The following PATL1 variants were observed in gnomAD, a reference collection of about 807,000 sequenced individuals.
PATL1 encodes the protein PAT1 homolog 1, processing body mRNA decay factor.
Under a neutral mutation model 100.6 loss-of-function variants are expected in PATL1, and 32 were observed. That is an observed-to-expected ratio of 0.32 (90% CI 0.24 to 0.43). The LOEUF is 0.43. PATL1 is among the 20% of genes least tolerant of loss of function. The probability of loss-of-function intolerance (pLI) is 1.00; values close to 1 mark genes in which losing one functional copy is unlikely to be tolerated. For synonymous variants in PATL1, 332 were observed against 330.0 expected (o/e 1.01, Z -0.07); for missense variants, 747 against 949.9 (o/e 0.79, Z 2.81).
Position 59,651,650 on chromosome 11 carries a change from A to AT in PATL1, c.1427-10_1427-9insA. On this transcript the variant is annotated splice_polypyrimidine_tract_variant and intron_variant, in intron 11 of 18. Transcript: ENST00000300146. ...AGAGCCCTCAAATTGCACTGCAAAG[A>AT]CAAAAAAAAAAAAAATTCCAACAAA... is the stretch of plus-strand genomic sequence containing the variant. The AT allele has an allele frequency of 6.5e-7, 1 of 1,542,638 alleles. No individual in the cohort carries two copies.
At chr11:59,664,252 G>A (rs546927970) in intron 2 of PATL1, among the ~76,000 whole-genome samples, 7 of 152,012 alleles carry the variant, frequency 4.6e-5, no homozygotes, top group East Asian at 1.9e-4. Flanking sequence ...ATAAAATACC[G>A]TTCCGGACAC....
intron 5 of PATL1, chr11:59,657,086 A>C (rs1456073823): frequency 2.0e-6 from 2 of 985,048 alleles, no homozygotes; most frequent in Non-Finnish European, 2.4e-6. Flanking sequence ...ATACCTTCCA[A>C]ATTGGCCTTC....
Position 59,657,603 on chromosome 11 carries a change from C to A in PATL1, c.548G>T (p.Gly183Val). The change falls in exon 5 of 19, where the codon GGC becomes GTC. Residue 183 changes from glycine to valine, a missense_variant. By Grantham distance (109) the Gly-to-Val change is moderately radical (BLOSUM62 -3). Coordinates refer to ENST00000300146, the MANE Select transcript of PATL1 (RefSeq NM_152716.3). ...GGGGACAGCTCTAACAGGAGGACTG[C>A]CAATGATAGGTGAAGTTGACCGCCT... Reference protein sequence around the residue: ...LPRRSTSPIIGSPPVRAVPIG... With the variant: ...LPRRSTSPIIVSPPVRAVPIG... 6.2e-7 allele frequency: 1 copy of A among 1,612,646 alleles called. No individual in the cohort carries two copies. Among genetic ancestry groups the A allele is most frequent in the Non-Finnish European group, 8.5e-7 (1 of 1,179,808 alleles).
Position 59,637,604 on chromosome 11 carries a change from T to A in PATL1, c.*786A>T, listed in dbSNP as rs1861210692. 1 of 152,508 alleles carries A rather than the reference T, an allele frequency of 6.6e-6. No homozygotes were observed. Among genetic ancestry groups the A allele is most frequent in the Non-Finnish European group, 1.5e-5 (1 of 68,052 alleles). The allele number at this position is 152,508 out of a possible 1,614,324, so 9.4% of individuals were successfully genotyped here. A position where few individuals can be genotyped will look rare whatever the true frequency, so the allele number is the denominator to read the frequency against. The stretch of plus-strand genomic sequence containing the variant: ...CTGTAGTTGTAGCAGGAAAAAGACA[T>A]AACCATGTGTTGTTTCGATTAAGGT... On this transcript the variant is annotated 3_prime_UTR_variant, in exon 19 of 19. Transcript: ENST00000300146.
intron 13 of PATL1, among the ~76,000 whole-genome samples, chr11:59,650,073 A>G (rs1041524152): frequency 6.6e-6 from 1 of 150,566 alleles, no homozygotes. Context: ...GTGAGCCAAG[A>G]TCTCGCCATT....
Position 59,655,837 on chromosome 11 carries a change from T to C in PATL1, c.814-97A>G. The C allele has an allele frequency of 4.3e-6, 6 of 1,395,806 alleles. No homozygotes were observed. In the South Asian group the frequency reaches 7.6e-5, roughly 18 times the overall value. The allele number at this position is 1,395,806 out of a possible 1,614,324, so 86.5% of individuals were successfully genotyped here. On this transcript the variant is annotated intron_variant, in intron 7 of 18. Coordinates refer to ENST00000300146, the MANE Select transcript of PATL1 (RefSeq NM_152716.3). ...ATACGGTTTTCCATCAATAACTTTGTTTGAAAAAGTAAAGGCAAAAATAAA... is the reference window on the plus strand; with the variant it reads ...ATACGGTTTTCCATCAATAACTTTGCTTGAAAAAGTAAAGGCAAAAATAAA...
chr11:59,643,517 T>C (rs1861316334), intron 15 of PATL1, among the ~76,000 whole-genome samples: 1 of 151,794 alleles, frequency 6.6e-6, no homozygotes, highest in African/African-American at 2.4e-5. Context: ...AAGACTAGTC[T>C]GGACAACGTA....
chr11:59,664,336 C>T (rs1357615424), intron 2 of PATL1, among the ~76,000 whole-genome samples: 2 of 152,108 alleles, frequency 1.3e-5, no homozygotes, highest in Non-Finnish European at 2.9e-5. Context: ...AAAGACTGTC[C>T]ATAGCACTCT....
intron 15 of PATL1, among the ~76,000 whole-genome samples, chr11:59,645,584 T>C (rs186657253): frequency 1.2e-4 from 19 of 152,196 alleles, no homozygotes; most frequent in Non-Finnish European, 2.4e-4. Flanking sequence ...AATGGAAAGG[T>C]AGGATAAATG....
At chr11:59,663,828 T>C (rs767110286) in intron 2 of PATL1, among the ~76,000 whole-genome samples, 5 of 152,170 alleles carry the variant, frequency 3.3e-5, no homozygotes, top group Non-Finnish European at 5.9e-5. Context: ...GAATTAAAAA[T>C]CATAAAATCA....
chr11:59,653,677 C>T (rs1861479787), intron 9 of PATL1, among the ~76,000 whole-genome samples: 1 of 152,146 alleles, frequency 6.6e-6, no homozygotes, highest in Non-Finnish European at 1.5e-5. Context: ...CACTATTATG[C>T]CCTTGGTATG....
rs376610060 is a variant in PATL1 at position 59,644,508 on chromosome 11, ATC to A, written c.1894-1475_1894-1474del. On this transcript the variant is annotated intron_variant, in intron 15 of 18. Coordinates refer to ENST00000300146, the MANE Select transcript of PATL1 (RefSeq NM_152716.3). ...GCATTTGCCTGGTAAGGTTTTTAAA[ATC>A]TCTCTAACAGGTCTTCTGCCACTGG... Among the ~76,000 whole-genome samples the A allele has an allele frequency of 9.0e-3, 1,367 of 152,260 alleles. 19 individuals carry two copies. The highest frequency in any genetic ancestry group is 0.031 in the African/African-American group (1,267 of 41,532).
intron 14 of PATL1, among the ~76,000 whole-genome samples, chr11:59,648,899 AG>A (rs1282766804): frequency 6.6e-6 from 1 of 152,222 alleles, no homozygotes; most frequent in Admixed American, 6.5e-5. Flanking sequence ...AAAGAAAGGG[AG>A]TTGTTAGAAG....
At chr11:59,666,376 T>A (rs1056968610) in intron 2 of PATL1, among the ~76,000 whole-genome samples, 1 of 152,270 alleles carries the variant, frequency 6.6e-6, no homozygotes, top group Non-Finnish European at 1.5e-5. Flanking sequence ...AAAAGCTTTA[T>A]ATTTTGAAGA....
intron 18 of PATL1, 135 bp from the exon 19 acceptor site, chr11:59,638,546 T>C (rs1367939661): frequency 1.2e-6 from 1 of 857,228 alleles, no homozygotes; most frequent in Non-Finnish European, 1.9e-6. Context: ...CCTTAGCATT[T>C]GGTCATCTTT....
At chr11:59,650,897 G>T in intron 12 of PATL1, 84 bp from the exon 13 acceptor site, 1 of 920,882 alleles carries the variant, frequency 1.1e-6, no homozygotes, top group South Asian at 1.6e-5. Context: ...GTTCATTTGT[G>T]ACAATACTTT....
intron 2 of PATL1, among the ~76,000 whole-genome samples, chr11:59,662,925 G>T (rs1262247679): frequency 6.6e-6 from 1 of 152,068 alleles, no homozygotes; most frequent in Non-Finnish European, 1.5e-5. Flanking sequence ...CTGGTGAATT[G>T]ATTGTTACAT....
Position 59,656,052 on chromosome 11 carries a change from T to TAAA in PATL1, c.724-10_724-8dup, listed in dbSNP as rs750390194. The TAAA allele has an allele frequency of 2.0e-4, 152 of 766,884 alleles. No individual in the cohort carries two copies. Among genetic ancestry groups the TAAA allele is most frequent in the South Asian group, 7.1e-4 (22 of 31,162 alleles). 47.5% of individuals were successfully genotyped at this position (766,884 alleles called of 1,614,324 possible). On this transcript the variant is annotated splice_polypyrimidine_tract_variant and splice_region_variant and intron_variant, in intron 6 of 18. Coordinates refer to ENST00000300146, the MANE Select transcript of PATL1 (RefSeq NM_152716.3). Reference sequence around the variant, plus strand: ...GACCCAGGAGGGAAGAGTTCTAAGGTAAAAAAAAAAAAAAAAAAAAGAATA... The same window carrying TAAA: ...GACCCAGGAGGGAAGAGTTCTAAGGTAAAAAAAAAAAAAAAAAAAAAAAGAATA...
chr11:59,651,771 A>G (rs996431462), intron 11 of PATL1, 130 bp from the exon 12 acceptor site: 2 of 652,746 alleles, frequency 3.1e-6, no homozygotes, highest in Non-Finnish European at 5.3e-6. Context: ...GCAAAACTCA[A>G]TGTATCATTT....
Sources: allele counts gnomAD v4.1 joint callset (sites outside exome capture counted in the v4.1 genomes callset), GRCh38; gene constraint gnomAD v4.1.1; transcripts MANE v1.5; gene names NCBI Gene and HGNC (gene_info 2026-07-23, HGNC 2026-07-21).